Variants in FHIT observed in about 807,000 individuals in gnomAD.
FHIT encodes fragile histidine triad diadenosine triphosphatase, also known as bis(5'-adenosyl)-triphosphatase.
A neutral mutation model predicts 17.9 loss-of-function variants in FHIT; 19 were observed. The ratio of observed to expected loss-of-function variants is 1.06; its 90% CI spans 0.74 to 1.56. The LOEUF is 1.56. FHIT is among the 40% of genes most tolerant of loss of function. The probability of loss-of-function intolerance (pLI) is 0.00; values close to 1 mark genes in which losing one functional copy is unlikely to be tolerated. For synonymous variants in FHIT, 81 were observed against 69.7 expected, an observed-to-expected ratio of 1.16 and a Z score of -0.81; for missense variants, 248 against 189.2, an observed-to-expected ratio of 1.31 and a Z score of -1.82.
Position 59,986,518 on chromosome 3 carries a change from TATATATATATATATATATATATACAC to T in FHIT, c.279+24827_279+24852del, listed in dbSNP as rs1248758613. On this transcript the variant is annotated intron_variant, in intron 7 of 9. Coordinates refer to ENST00000492590, the MANE Select transcript of FHIT (RefSeq NM_002012.4). Reference sequence around the variant, plus strand: ...TCCAAAATATATATATATATATATATATATATATATATATATATATATACACACACACACACACACACACACACACA... The same window carrying T: ...TCCAAAATATATATATATATATATATACACACACACACACACACACACACA... 1.3e-3 allele frequency among the ~76,000 whole-genome samples: 65 copies of T among 49,870 alleles called. 4 individuals are homozygous for T. Among genetic ancestry groups the T allele is most frequent in the East Asian group, 5.8e-3 (15 of 2,584 alleles). 32.7% of individuals were successfully genotyped at this position (49,870 alleles called of 152,430 possible).
intron 5 of FHIT, among the ~76,000 whole-genome samples, chr3:60,474,768 CG>C (rs1174936253): frequency 4.6e-5 from 7 of 151,910 alleles, no homozygotes; most frequent in African/African-American, 1.7e-4. Flanking sequence ...GGATTACAGG[CG>C]CCTGCCACCA....
intron 5 of FHIT, among the ~76,000 whole-genome samples, chr3:60,206,174 T>TATTATTATA (rs1703176463): frequency 6.9e-6 from 1 of 143,948 alleles, no homozygotes; most frequent in African/African-American, 2.5e-5. Flanking sequence ...TAATAATAAT[T>TATTATTATA]ATAACACTTA....
intron 4 of FHIT, among the ~76,000 whole-genome samples, chr3:60,735,817 A>G (rs797040827): frequency 7.9e-5 from 12 of 152,350 alleles, no homozygotes; most frequent in African/African-American, 2.6e-4. Context: ...GTTAAGACTA[A>G]ATGCAAATCA....
intron 4 of FHIT, among the ~76,000 whole-genome samples, chr3:60,645,292 C>A (rs868984866): frequency 3.5e-4 from 54 of 152,252 alleles, no homozygotes; most frequent in African/African-American, 1.1e-3. Flanking sequence ...GCATTCCTAC[C>A]CTACCACCCA....
intron 2 of FHIT, among the ~76,000 whole-genome samples, chr3:61,194,113 C>T (rs888810399): frequency 2.6e-5 from 4 of 152,034 alleles, no homozygotes; most frequent in African/African-American, 7.2e-5. Flanking sequence ...CTCTGTGTAA[C>T]GTTCTTTCTT....
chr3:60,962,448 C>A (rs1709503358), intron 3 of FHIT, among the ~76,000 whole-genome samples: 1 of 152,152 alleles, frequency 6.6e-6, no homozygotes. Context: ...ATTGCCCTGG[C>A]CAGAATTTCC....
intron 8 of FHIT, among the ~76,000 whole-genome samples, chr3:59,790,593 G>C (rs1575499005): frequency 6.6e-6 from 1 of 152,008 alleles, no homozygotes; most frequent in East Asian, 1.9e-4. Flanking sequence ...TTGATTGTAG[G>C]AGGAGAAAAC....
chr3:60,533,844 A>T (rs1402326344), intron 5 of FHIT, among the ~76,000 whole-genome samples: 1 of 152,192 alleles, frequency 6.6e-6, no homozygotes, highest in East Asian at 1.9e-4. Flanking sequence ...TTATTGGTTT[A>T]TTAACAAGGG....
intron 4 of FHIT, among the ~76,000 whole-genome samples, chr3:60,820,870 G>T (rs1252956972): frequency 6.6e-6 from 1 of 152,096 alleles, no homozygotes; most frequent in Non-Finnish European, 1.5e-5. Flanking sequence ...GAAAAGGAGA[G>T]GAGTAAATAT....
rs2107662851 is a variant in FHIT, at chr3:61,028,959, A to G, written c.-111+13088T>C. Among the ~76,000 whole-genome samples the G allele has an allele frequency of 2.0e-5, 3 of 152,214 alleles. No homozygotes were observed. The Middle Eastern group carries it at 0.01, about 518-fold the overall frequency. Reference sequence around the variant, plus strand: ...CACTTAGTAGTCCTGAGGTAGTAGAATATTCCTGGAGGTCTAGGTCAGGCA... The same window carrying G: ...CACTTAGTAGTCCTGAGGTAGTAGAGTATTCCTGGAGGTCTAGGTCAGGCA... On this transcript the variant is annotated intron_variant, in intron 3 of 9. Transcript: ENST00000492590.
At chr3:60,760,030 CTTTA>C (rs1206169268) in intron 4 of FHIT, among the ~76,000 whole-genome samples, 15 of 151,278 alleles carry the variant, frequency 9.9e-5, no homozygotes, top group South Asian at 2.1e-4. Context: ...CTCTTACTCT[CTTTA>C]TTTCTTTTCT....
At chr3:59,924,323 C>T (rs936847381) in intron 7 of FHIT, among the ~76,000 whole-genome samples, 1 of 152,154 alleles carries the variant, frequency 6.6e-6, no homozygotes, top group Non-Finnish European at 1.5e-5. Flanking sequence ...CCCTCTTCCT[C>T]CCTCCCATCC....
intron 5 of FHIT, among the ~76,000 whole-genome samples, chr3:60,060,106 T>A (rs1354589404): frequency 1.3e-5 from 2 of 152,134 alleles, no homozygotes; most frequent in Non-Finnish European, 2.9e-5. Context: ...GAAAGTGACG[T>A]TATTAACCCT....
intron 5 of FHIT, among the ~76,000 whole-genome samples, chr3:60,344,532 T>C (rs1710682119): frequency 6.6e-6 from 1 of 152,174 alleles, no homozygotes; most frequent in Admixed American, 6.6e-5. Context: ...TGTGTTTGCA[T>C]CCTAGAAATT....
At chr3:60,485,522 A>G (rs1355458681) in intron 5 of FHIT, among the ~76,000 whole-genome samples, 1 of 152,184 alleles carries the variant, frequency 6.6e-6, no homozygotes, top group Non-Finnish European at 1.5e-5. Context: ...AAGAAGCTGG[A>G]AGCCATCATC....
At chr3:60,114,709 G>A (rs1432299096) in intron 5 of FHIT, among the ~76,000 whole-genome samples, 1 of 151,716 alleles carries the variant, frequency 6.6e-6, no homozygotes, top group Non-Finnish European at 1.5e-5. Flanking sequence ...TGCCAGGCTG[G>A]TCTCAAATTC....
intron 5 of FHIT, among the ~76,000 whole-genome samples, chr3:60,490,006 A>G (rs2033996864): frequency 6.6e-6 from 1 of 152,156 alleles, no homozygotes; most frequent in South Asian, 2.1e-4. Context: ...TTCACATTTA[A>G]CAAGGCTACT....
chr3:60,592,941 T>C (rs1243617020), intron 4 of FHIT, among the ~76,000 whole-genome samples: 2 of 152,104 alleles, frequency 1.3e-5, no homozygotes, highest in Admixed American at 6.6e-5. Context: ...TTGATGGTTA[T>C]AGCAAAGGTC....
intron 5 of FHIT, among the ~76,000 whole-genome samples, chr3:60,177,574 T>C (rs535859302): frequency 1.5e-4 from 23 of 152,314 alleles, no homozygotes; most frequent in African/African-American, 5.3e-4. Flanking sequence ...TTCCATTTTG[T>C]AATACACCAT....
Sources: gnomAD v4.1 joint callset for allele counts (sites outside exome capture counted in the v4.1 genomes callset) on GRCh38, gnomAD v4.1.1 for gene constraint, MANE v1.5 for transcripts, NCBI Gene and HGNC (gene_info 2026-07-23, HGNC 2026-07-21) for gene names.